The following KLK8 variants were observed in gnomAD, a reference collection of about 807,000 sequenced individuals.
The protein encoded by KLK8 is kallikrein related peptidase 8, also known as kallikrein-8.
A neutral mutation model predicts 26.7 loss-of-function variants in KLK8; 18 were observed. The ratio of observed to expected loss-of-function variants is 0.67; its 90% CI spans 0.47 to 1.00. KLK8 has a LOEUF of 1.00. KLK8 is among the 50% of genes least tolerant of loss of function. The pLI is 0.00. For missense variants in KLK8, 301 were observed against 331.7 expected, an observed-to-expected ratio of 0.91 and a Z score of 0.72; for synonymous variants, 137 against 127.1, an observed-to-expected ratio of 1.08 and a Z score of -0.52.
intron 2 of KLK8, 77 bp from the exon 2 acceptor site, chr19:51,001,252 G>A: frequency 7.9e-7 from 1 of 1,262,448 alleles, no homozygotes; most frequent in Middle Eastern, 1.9e-4. Context: ...GGGCACTGGG[G>A]AGGCAGCCGA....
chr19:51,000,548 C>A (rs1403759627), exon 4 of KLK8: 3 of 1,613,954 alleles, frequency 1.9e-6, no homozygotes, highest in African/African-American at 1.3e-5. Flanking sequence ...CACTCATGAC[C>A]CCCCAGCACC....
chr19:51,001,200 G>T, intron 2 of KLK8, 25 bp from the exon 2 acceptor site: 1 of 1,597,970 alleles, frequency 6.3e-7, no homozygotes, highest in Non-Finnish European at 8.5e-7. Flanking sequence ...GGGCGGGGCC[G>T]GTAAACAGGA....
chr19:50,996,809 G>T (rs2122309684), intron 6 of KLK8, among the ~76,000 whole-genome samples: 1 of 151,356 alleles, frequency 6.6e-6, no homozygotes, highest in Admixed American at 6.6e-5. Flanking sequence ...GGACTGAGCT[G>T]AAGTTTCCTC....
exon 5 of KLK8, chr19:51,000,115 TGAA>T: frequency 6.2e-7 from 1 of 1,614,068 alleles, no homozygotes; most frequent in Non-Finnish European, 8.5e-7. Context: ...GTCACGCAGT[TGAA>T]GAAGCATCAG....
chr19:51,001,230 A>T, intron 2 of KLK8, 55 bp from the exon 2 acceptor site: 1 of 1,521,422 alleles, frequency 6.6e-7, no homozygotes, highest in Non-Finnish European at 9.0e-7. Flanking sequence ...CTGAGCTCCC[A>T]GTTCTGGATT....
intron 5 of KLK8, among the ~76,000 whole-genome samples, chr19:50,999,401 G>A (rs370430090): frequency 5.3e-5 from 8 of 151,384 alleles, no homozygotes; most frequent in East Asian, 1.9e-4. Flanking sequence ...TCAACATGGC[G>A]AAACCCTGTC....
At chr19:51,000,692 T>C (rs371622624) in intron 3 of KLK8, 109 bp from the exon 3 acceptor site, 1 of 1,554,938 alleles carries the variant, frequency 6.4e-7, no homozygotes, top group Non-Finnish European at 8.7e-7. Context: ...GCATACAACT[T>C]AGTGAGGAGG....
At chr19:50,999,218 GAGA>G (rs770159041) in intron 5 of KLK8, 2 of 152,148 alleles carry the variant, frequency 1.3e-5, no homozygotes, top group Non-Finnish European at 2.9e-5. Flanking sequence ...TGGGTCCTGG[GAGA>G]AGAAGGGCCT....
chr19:50,999,968 C>T, intron 5 of KLK8, 28 bp downstream of exon 4: 1 of 1,566,454 alleles, frequency 6.4e-7, no homozygotes. Context: ...CTCCTCCTCT[C>T]CCTCCCATTA....
intron 4 of KLK8, 67 bp from the exon 4 acceptor site, chr19:51,000,325 C>G: frequency 6.5e-7 from 1 of 1,539,434 alleles, no homozygotes; most frequent in Non-Finnish European, 8.8e-7. Flanking sequence ...CTCCTTCAGA[C>G]CCAGGAGTCC....
At chr19:51,001,148 C>A (rs112710919) in exon 3 of KLK8, 95 of 1,613,334 alleles carry the variant, frequency 5.9e-5, no homozygotes, top group East Asian at 1.8e-4. Context: ...CTTGGCCGCA[C>A]GAGGTCGGGG....
At position 51,001,194 on chromosome 19, in the gene KLK8, G is replaced by A. The variant is rs1409828433; in HGVS notation, c.-8-19C>T. ...GTGAGGTCTGGGAAATGGAGAGGGC[G>A]GGGCCGGTAAACAGGAAGGAGGAGC... On this transcript the variant is annotated intron_variant, in intron 2 of 6. Transcript: ENST00000600767. 4 of 1,605,014 alleles carry A rather than the reference G, an allele frequency of 2.5e-6. No individual in the cohort carries two copies. Among genetic ancestry groups the A allele is most frequent in the Non-Finnish European group, 3.4e-6 (4 of 1,175,556 alleles).
chr19:51,000,174 T>C, exon 5 of KLK8: 1 of 1,612,636 alleles, frequency 6.2e-7, no homozygotes. Context: ...AGCAGGGGTG[T>C]GGGATGGACT....
chr19:50,997,796 A>G, exon 6 of KLK8: 1 of 1,614,110 alleles, frequency 6.2e-7, no homozygotes. Flanking sequence ...AGACCATGCC[A>G]TCTGTGATCT....
chr19:51,000,363 G>A lies in KLK8; in HGVS notation c.230+61C>T, dbSNP rs1013708442. On this transcript the variant is annotated intron_variant, in intron 4 of 6. Transcript: ENST00000600767. ...TCCTCAGCTCTCTCCTTCCTGAGTCGAAACCCCAGCCCCCTCTTTCCTTAA... is the reference window on the plus strand; with the variant it reads ...TCCTCAGCTCTCTCCTTCCTGAGTCAAAACCCCAGCCCCCTCTTTCCTTAA... 3.9e-4 allele frequency: 603 copies of A among 1,547,428 alleles called. 1 individual carries two copies. Among genetic ancestry groups the A allele is most frequent in the Non-Finnish European group, 4.9e-4 (561 of 1,141,836 alleles).
At chr19:51,000,938 T>C (rs1036748076) in intron 3 of KLK8, among the ~76,000 whole-genome samples, 160 bp downstream of exon 2, 6 of 152,158 alleles carry the variant, frequency 3.9e-5, no homozygotes, top group Admixed American at 1.3e-4. Context: ...CTTGCCTCTG[T>C]CCACCCTGAG....
At chr19:51,001,053 G>A in intron 3 of KLK8, 45 bp downstream of exon 2, 1 of 1,548,902 alleles carries the variant, frequency 6.5e-7, no homozygotes, top group Non-Finnish European at 8.8e-7. Flanking sequence ...CGCCACTGCT[G>A]CCTTCAGATC....
In KLK8 at chr19:51,000,058, T is replaced by C. The variant is rs979788371; in HGVS notation, c.431A>G (p.His144Arg). The C allele has an allele frequency of 6.8e-6, 11 of 1,613,550 alleles. No individual in the cohort carries two copies. In the Admixed American group the frequency reaches 1.7e-4, roughly 24 times the overall value. ...GCACTTCTGGCCAGGCTGGGTGCAA[T>C]GATCTGCCAGGCTGATGGGCTTCAC... The change falls in exon 5 of 7, where the codon CAT becomes CGT. Residue 144 changes from histidine (H) to arginine (R), a missense_variant. Transcript: ENST00000600767.
intron 5 of KLK8, among the ~76,000 whole-genome samples, chr19:50,998,770 GC>G (rs1201277119): frequency 1.3e-5 from 2 of 152,162 alleles, no homozygotes; most frequent in African/African-American, 2.4e-5. Context: ...CTACCATGTA[GC>G]AGGCACCATT....
Sources: allele counts gnomAD v4.1 joint callset (sites outside exome capture counted in the v4.1 genomes callset), GRCh38; gene constraint gnomAD v4.1.1; transcripts MANE v1.5; gene names NCBI Gene and HGNC (gene_info 2026-07-23, HGNC 2026-07-21).